DDX60L: variants seen among roughly 807,000 people sequenced by gnomAD.
The protein encoded by DDX60L is probable ATP-dependent RNA helicase DDX60-like.
DDX60L carries 191 observed loss-of-function variants against 211.6 expected under a neutral mutation model. The ratio of observed to expected loss-of-function variants is 0.90; its 90% CI spans 0.80 to 1.02. DDX60L has a LOEUF of 1.02. Ranked by LOEUF, DDX60L falls within the 50% of genes least tolerant of loss-of-function variation. The pLI is 0.00. For synonymous variants in DDX60L, 706 were observed against 694.1 expected, an observed-to-expected ratio of 1.02 and a Z score of -0.27; for missense variants, 2,007 against 1,984.1, an observed-to-expected ratio of 1.01 and a Z score of -0.22.
chr4:168,361,149 C>T lies in DDX60L; in HGVS notation c.4991G>A (p.Ser1664Asn), dbSNP rs1250639324. The T allele has an allele frequency of 6.2e-7, 1 of 1,602,258 alleles. No individual in the cohort carries two copies. The highest frequency in any genetic ancestry group is 8.5e-7 in the Non-Finnish European group (1 of 1,171,576). Residue 1664 changes from serine to asparagine, a missense_variant and splice_region_variant, in exon 37 of 38, where the codon AGT (serine) becomes AAT (asparagine). By Grantham distance (46) the Ser-to-Asn change is conservative (BLOSUM62 1). Transcript: ENST00000682922. ...KDFAFNIQAISDSLSELCENK... is the reference protein window; with the variant it reads ...KDFAFNIQAINDSLSELCENK... ...AAATCAAACTCAGCATGAAACATAC[C>T]TGATAGCCTGAATGTTGAATGCAAA...
At chr4:168,396,570 C>A (rs1337488289) in intron 26 of DDX60L, among the ~76,000 whole-genome samples, 4 of 152,032 alleles carry the variant, frequency 2.6e-5, no homozygotes, top group African/African-American at 9.7e-5. Context: ...TCCATGCTGA[C>A]AGCAGAGACC....
rs376164834 is a variant in DDX60L at position 168,421,774 on chromosome 4, C to T, written c.2380G>A (p.Val794Ile). 6.8e-5 allele frequency: 110 copies of T among 1,613,958 alleles called. No individual in the cohort carries two copies. The highest frequency in any genetic ancestry group is 2.2e-4 in the South Asian group (20 of 91,078). Residue 794 changes from valine (V) to isoleucine (I), a missense_variant, in exon 17 of 38, where the codon GTT (valine) becomes ATT (isoleucine). By Grantham distance (29) the Val-to-Ile change is conservative. Coordinates refer to ENST00000682922, the MANE Select transcript of DDX60L (RefSeq NM_001012967.3). ...RESDVGVVVY[V>I]APAKSLVGQV... The stretch of plus-strand genomic sequence containing the variant: ...TCAAACACTACCTTTGCGGGTGCAA[C>T]GTACACAACCACCCCGACATCGCTC...
At chr4:168,377,985 G>GTCATAA (rs1742276203) in intron 33 of DDX60L, 1 of 157,048 alleles carries the variant, frequency 6.4e-6, no homozygotes, top group African/African-American at 2.4e-5. Flanking sequence ...GACATTAGAG[G>GTCATAA]TCATAATGTA....
chr4:168,423,666 G>T lies in DDX60L; in HGVS notation c.2039C>A (p.Ala680Asp). Residue 680 changes from alanine to aspartate, a missense_variant, in exon 15 of 38, where the codon GCT (alanine) becomes GAT (aspartate). Coordinates refer to ENST00000682922, the MANE Select transcript of DDX60L (RefSeq NM_001012967.3). ...AAAGCCTAAATATTTAAGGCATTTA[G>T]CTATATATTGATGATGTTCTGCTTC... ...ILEAEHHQYIAKCLKYLGFND... is the reference protein window; with the variant it reads ...ILEAEHHQYIDKCLKYLGFND... The T allele has an allele frequency of 6.2e-7, 1 of 1,602,524 alleles. No homozygotes were observed. The highest frequency in any genetic ancestry group is 8.5e-7 in the Non-Finnish European group (1 of 1,174,282).
chr4:168,468,371 A>G (rs955435270), intron 4 of DDX60L, among the ~76,000 whole-genome samples: 1 of 152,164 alleles, frequency 6.6e-6, no homozygotes, highest in African/African-American at 2.4e-5. Context: ...CTACCAAATT[A>G]AGAAAGTAAA....
At chr4:168,406,134 A>G in intron 23 of DDX60L, 56 bp from the exon 24 acceptor site, 1 of 1,528,250 alleles carries the variant, frequency 6.5e-7, no homozygotes, top group Non-Finnish European at 8.7e-7. Flanking sequence ...ATAGTAAGAA[A>G]AATACAATGA....
intron 36 of DDX60L, among the ~76,000 whole-genome samples, chr4:168,369,005 T>G (rs2684363): frequency 0.82 from 125,295 of 152,160 alleles, 51,759 homozygotes; most frequent in African/African-American, 0.88. Context: ...TAAGACATTG[T>G]ACAGTAGACT....
At chr4:168,425,180 T>C (rs1301102438) in intron 14 of DDX60L, among the ~76,000 whole-genome samples, 1 of 152,192 alleles carries the variant, frequency 6.6e-6, no homozygotes, top group East Asian at 1.9e-4. Context: ...AAATAAACTA[T>C]CTTTTTTAAG....
chr4:168,474,204 C>T (rs1759189746), intron 1 of DDX60L, among the ~76,000 whole-genome samples: 1 of 152,082 alleles, frequency 6.6e-6, no homozygotes, highest in South Asian at 2.1e-4. Flanking sequence ...ACAGTATCTC[C>T]AAGAAAGTGA....
chr4:168,407,002 T>G (rs1433759840), intron 22 of DDX60L, among the ~76,000 whole-genome samples: 1 of 152,204 alleles, frequency 6.6e-6, no homozygotes, highest in Non-Finnish European at 1.5e-5. Flanking sequence ...GAAACTTCCT[T>G]AGAATGCCAG....
Position 168,471,488 on chromosome 4 carries a change from C to T in DDX60L, c.264+259G>A, listed in dbSNP as rs181560418. 3.9e-5 allele frequency: 11 copies of T among 279,940 alleles called. No individual in the cohort carries two copies. In the East Asian group the frequency reaches 6.6e-4, roughly 17 times the overall value. The allele number at this position is 279,940 out of a possible 1,614,324, so 17.3% of individuals were successfully genotyped here. ...AGGTAGAGTAAACCTACCCAATATA[C>T]CCCTCAGCCCAGGCTCTGTGCCTGA... On this transcript the variant is annotated intron_variant, in intron 4 of 37. Coordinates refer to ENST00000682922, the MANE Select transcript of DDX60L (RefSeq NM_001012967.3).
In DDX60L at chr4:168,438,914, T is replaced by C. The variant is rs143778461; in HGVS notation, c.1294+2423A>G. On this transcript the variant is annotated intron_variant, in intron 10 of 37. Transcript: ENST00000682922. ...AGCAGATATTTTTGTTTTCTTCTTT[T>C]ATCAGTTTACATACAATGTAGTCAT... Among the ~76,000 whole-genome samples the C allele has an allele frequency of 3.0e-4, 46 of 152,372 alleles. No homozygotes were observed. The East Asian group carries it at 8.9e-3, about 29-fold the overall frequency.
intron 35 of DDX60L, 130 bp from the exon 36 acceptor site, chr4:168,371,893 C>A: frequency 1.2e-6 from 1 of 829,166 alleles, no homozygotes; most frequent in Admixed American, 2.7e-5. Context: ...AGGAGGCAGG[C>A]AGAGGGGGAT....
At chr4:168,472,670 T>C in intron 2 of DDX60L, 26 bp downstream of exon 2, 4 of 1,612,986 alleles carry the variant, frequency 2.5e-6, no homozygotes, top group Non-Finnish European at 3.4e-6. Context: ...CTTTATAGGC[T>C]ACAAATATCA....
intron 27 of DDX60L, chr4:168,395,568 TAAAGA>T: frequency 6.4e-6 from 1 of 156,240 alleles, no homozygotes; most frequent in Non-Finnish European, 1.4e-5. Context: ...AATATCTGTT[TAAAGA>T]AATGTTTTGA....
chr4:168,372,028 C>G (rs1050399596), intron 35 of DDX60L, among the ~76,000 whole-genome samples: 4 of 151,988 alleles, frequency 2.6e-5, no homozygotes, highest in Non-Finnish European at 5.9e-5. Flanking sequence ...AATAGGAACT[C>G]TCAAAGCATA....
chr4:168,408,394 T>G (rs1283690320), intron 22 of DDX60L, among the ~76,000 whole-genome samples: 4 of 152,220 alleles, frequency 2.6e-5, no homozygotes, highest in African/African-American at 9.6e-5. Flanking sequence ...CTTTCAGGTA[T>G]TCTTTTTCAT....
At chr4:168,449,677 A>C (rs1755496717) in intron 8 of DDX60L, among the ~76,000 whole-genome samples, 1 of 144,718 alleles carries the variant, frequency 6.9e-6, no homozygotes, top group Non-Finnish European at 1.5e-5. Flanking sequence ...AAAAAAGAAA[A>C]AAATTACTAA....
chr4:168,453,656 G>A (rs774754500), intron 7 of DDX60L, among the ~76,000 whole-genome samples: 10 of 152,098 alleles, frequency 6.6e-5, no homozygotes, highest in East Asian at 1.9e-4. Context: ...GAGAAATCCC[G>A]GATGGCAATC....
Sources: allele counts gnomAD v4.1 joint callset (sites outside exome capture counted in the v4.1 genomes callset), GRCh38; gene constraint gnomAD v4.1.1; transcripts MANE v1.5; gene names NCBI Gene and HGNC (gene_info 2026-07-23, HGNC 2026-07-21).